MAP3K4: variants seen among roughly 807,000 people sequenced by gnomAD.
MAP3K4 encodes mitogen-activated protein kinase kinase kinase 4.
In MAP3K4, 67 loss-of-function variants were observed where a neutral mutation model predicts 185.6. That is an observed-to-expected ratio of 0.36 (90% CI 0.30 to 0.44). The LOEUF is 0.44. Ranked by LOEUF, MAP3K4 falls within the 20% of genes least tolerant of loss-of-function variation. The pLI, the probability that MAP3K4 is intolerant of heterozygous loss-of-function variation, is 1.00. For synonymous variants in MAP3K4, 702 were observed against 710.4 expected, an observed-to-expected ratio of 0.99 and a Z score of 0.19; for missense variants, 1,551 against 1,995.1, an observed-to-expected ratio of 0.78 and a Z score of 4.24.
chr6:161,021,404 G>A (rs73024054), intron 1 of MAP3K4, among the ~76,000 whole-genome samples: 2 of 152,286 alleles, frequency 1.3e-5, no homozygotes, highest in Non-Finnish European at 2.9e-5. Flanking sequence ...TCTCAGATGA[G>A]CCCTGCTCTC....
intron 15 of MAP3K4, among the ~76,000 whole-genome samples, chr6:161,095,972 T>C (rs1286233764): frequency 6.6e-6 from 1 of 152,210 alleles, no homozygotes; most frequent in Non-Finnish European, 1.5e-5. Flanking sequence ...TAGTTCCCAG[T>C]ATCTTTGCTC....
intron 3 of MAP3K4, among the ~76,000 whole-genome samples, chr6:161,057,618 C>T (rs966668365): frequency 2.6e-5 from 4 of 152,156 alleles, no homozygotes; most frequent in Non-Finnish European, 4.4e-5. Context: ...GTGTGCCTCA[C>T]GTGAAGCTAG....
At chr6:161,010,212 C>T (rs1243995680) in intron 1 of MAP3K4, among the ~76,000 whole-genome samples, 1 of 152,126 alleles carries the variant, frequency 6.6e-6, no homozygotes, top group Non-Finnish European at 1.5e-5. Flanking sequence ...CCCCGAAGTG[C>T]CTGGTACTAT....
chr6:161,053,209 C>T lies in MAP3K4; in HGVS notation c.1707+3230C>T, dbSNP rs187390118. Among the ~76,000 whole-genome samples, 35 of 152,206 alleles carry T rather than the reference C, an allele frequency of 2.3e-4. No individual in the cohort carries two copies. Among genetic ancestry groups the T allele is most frequent in the African/African-American group, 7.5e-4 (31 of 41,516 alleles). Reference sequence around the variant, plus strand: ...GCAGGCACTTCTCATGGCTGGAGCACGGGCAGGGTGAAGGTGCTCCATTCT... The same window carrying T: ...GCAGGCACTTCTCATGGCTGGAGCATGGGCAGGGTGAAGGTGCTCCATTCT... On this transcript the variant is annotated intron_variant, in intron 3 of 26. Transcript: ENST00000392142. The surrounding 1 kb of genome is among the most constrained non-coding windows in gnomAD (Gnocchi z 4.2).
chr6:161,003,929 C>A, intron 1 of MAP3K4, among the ~76,000 whole-genome samples: 1 of 68,148 alleles, frequency 1.5e-5, no homozygotes, highest in East Asian at 2.8e-4. Context: ...AATATCCACT[C>A]TTTCTTGAAA....
At position 161,064,493 on chromosome 6, in the gene MAP3K4, T is replaced by C. The variant is rs1784616745; in HGVS notation, c.1708-6115T>C. On this transcript the variant is annotated intron_variant, in intron 3 of 26. Transcript: ENST00000392142. The surrounding 1 kb of genome is among the most constrained non-coding windows in gnomAD (Gnocchi z 4.3). ...ATTAAATTCTAGATAATTGGGTATG[T>C]TTCTGTGTTCTGATCTGTTTATTAC... Among the ~76,000 whole-genome samples, 1 of 152,176 alleles carries C rather than the reference T, an allele frequency of 6.6e-6. No individual in the cohort carries two copies. Among genetic ancestry groups the C allele is most frequent in the Non-Finnish European group, 1.5e-5 (1 of 68,028 alleles).
intron 1 of MAP3K4, among the ~76,000 whole-genome samples, chr6:160,999,643 A>T (rs1397857703): frequency 3.9e-5 from 6 of 152,160 alleles, no homozygotes; most frequent in African/African-American, 1.4e-4. Flanking sequence ...TTCCCAGCTG[A>T]CAGCTTAGGC....
At position 161,100,146 on chromosome 6, in the gene MAP3K4, C is replaced by G. The variant is rs374880390; in HGVS notation, c.3674+1719C>G. 2.0e-5 allele frequency among the ~76,000 whole-genome samples: 3 copies of G among 152,208 alleles called. No individual in the cohort carries two copies. Among genetic ancestry groups the G allele is most frequent in the Non-Finnish European group, 4.4e-5 (3 of 68,028 alleles). ...GACTCCCTCCTGCATTCAAGCCCTG[C>G]GTAAGCCTCAGTGCCTTCACAGTGA... is the stretch of plus-strand genomic sequence containing the variant. On this transcript the variant is annotated intron_variant, in intron 17 of 26. Coordinates refer to ENST00000392142, the MANE Select transcript of MAP3K4 (RefSeq NM_005922.4). This position sits in a 1 kb window ranked among gnomAD's most constrained non-coding sequence, Gnocchi z 5.8.
chr6:161,010,980 T>C (rs975184543), intron 1 of MAP3K4, among the ~76,000 whole-genome samples: 2 of 152,230 alleles, frequency 1.3e-5, no homozygotes, highest in South Asian at 2.1e-4. Context: ...GTACCACCTC[T>C]GGTGCTTTTG....
rs766538277 is a variant in MAP3K4, at chr6:161,097,221, G to A, written c.3524+45G>A. Reference sequence around the variant, plus strand: ...TCATTTGCTTTACAGAGTGCCCTCCGATATGCATGCTCATACTTTTGAAAC... The same window carrying A: ...TCATTTGCTTTACAGAGTGCCCTCCAATATGCATGCTCATACTTTTGAAAC... On this transcript the variant is annotated intron_variant, in intron 16 of 26. Coordinates refer to ENST00000392142, the MANE Select transcript of MAP3K4 (RefSeq NM_005922.4). This position sits in a 1 kb window ranked among gnomAD's most constrained non-coding sequence, Gnocchi z 4.9. The A allele has an allele frequency of 6.7e-6, 10 of 1,499,188 alleles. No individual in the cohort carries two copies. The highest frequency in any genetic ancestry group is 4.5e-5 in the East Asian group (2 of 44,244). 92.9% of individuals were successfully genotyped at this position (1,499,188 alleles called of 1,614,324 possible). A position where few individuals can be genotyped will look rare whatever the true frequency, so the allele number is the denominator to read the frequency against.
intron 1 of MAP3K4, chr6:160,992,361 G>T (rs1780765134): frequency 2.1e-6 from 1 of 478,332 alleles, no homozygotes; most frequent in South Asian, 3.3e-5. Context: ...CACCCTCAAC[G>T]TTGCGGGGGC....
At chr6:161,113,456 T>G (rs1778438529) in intron 25 of MAP3K4, among the ~76,000 whole-genome samples, 1 of 151,912 alleles carries the variant, frequency 6.6e-6, no homozygotes, top group African/African-American at 2.4e-5. Context: ...TAGATACATG[T>G]TAGTATGTGT....
In MAP3K4 at chr6:161,097,144, A is replaced by G. The variant is rs1777608248; in HGVS notation, c.3492A>G (p.Pro1164=). The G allele has an allele frequency of 6.2e-7, 1 of 1,613,828 alleles. No homozygotes were observed. Among genetic ancestry groups the G allele is most frequent in the South Asian group, 1.1e-5 (1 of 91,074 alleles). ...GATGCCATAGTGACCCTCCTAACCC[A>G]CACCTCATTATCCCCACTCCAGAGG... ...VPRCHSDPPN[P]HLIIPTPEGF... The change falls in exon 16 of 27, where the codon CCA becomes CCG. Residue 1164 remains proline (P), a synonymous_variant. Transcript: ENST00000392142. This position sits in a 1 kb window ranked among gnomAD's most constrained non-coding sequence, Gnocchi z 4.9.
At chr6:161,083,922 G>C (rs1371941650) in intron 6 of MAP3K4, among the ~76,000 whole-genome samples, 6 of 152,104 alleles carry the variant, frequency 3.9e-5, no homozygotes, top group Non-Finnish European at 5.9e-5. Flanking sequence ...CCTGCTCTCT[G>C]TTACTAGATC....
In MAP3K4 at chr6:161,075,618, T is replaced by C. The variant is rs937157252; in HGVS notation, c.2097+2006T>C. Among the ~76,000 whole-genome samples the C allele has an allele frequency of 6.6e-6, 1 of 152,194 alleles. No homozygotes were observed. Among genetic ancestry groups the C allele is most frequent in the Non-Finnish European group, 1.5e-5 (1 of 68,026 alleles). On this transcript the variant is annotated intron_variant, in intron 5 of 26. Transcript: ENST00000392142. The surrounding 1 kb of genome is among the most constrained non-coding windows in gnomAD (Gnocchi z 4.3). ...AACTGTGTTTGCTGGCCCTTTATCC[T>C]GTAGTGGCAGGGGAGCAGGGTGAGG...
chr6:161,112,553 CATTACCT>C lies in MAP3K4; in HGVS notation c.4520-113_4520-107del, dbSNP rs1162347866. The C allele has an allele frequency of 9.9e-5, 64 of 645,646 alleles. No homozygotes were observed. The highest frequency in any genetic ancestry group is 1.5e-4 in the Non-Finnish European group (62 of 422,088). The allele number at this position is 645,646 out of a possible 1,614,324, so 40.0% of individuals were successfully genotyped here. A position where few individuals can be genotyped will look rare whatever the true frequency, so the allele number is the denominator to read the frequency against. The stretch of plus-strand genomic sequence containing the variant: ...CTGTCTGTAAATTTTTGATATTTCC[CATTACCT>C]AATGCAGGAAGATAATATTGTACAA... On this transcript the variant is annotated intron_variant, in intron 24 of 26. Transcript: ENST00000392142. The surrounding 1 kb of genome is among the most constrained non-coding windows in gnomAD (Gnocchi z 5.1).
At chr6:161,059,223 C>T (rs1784382313) in intron 3 of MAP3K4, among the ~76,000 whole-genome samples, 1 of 152,092 alleles carries the variant, frequency 6.6e-6, no homozygotes, top group Admixed American at 6.5e-5. Context: ...GCAGCCTCCA[C>T]CTCCCAAGTT....
chr6:161,001,850 T>C (rs1199254796), intron 1 of MAP3K4, among the ~76,000 whole-genome samples: 1 of 152,202 alleles, frequency 6.6e-6, no homozygotes, highest in African/African-American at 2.4e-5. Context: ...TAGTAAGTGC[T>C]CAGTATTAGC....
chr6:161,087,649 T>C lies in MAP3K4; in HGVS notation c.2557-39T>C. The C allele has an allele frequency of 6.2e-7, 1 of 1,606,124 alleles. No homozygotes were observed. The highest frequency in any genetic ancestry group is 8.5e-7 in the Non-Finnish European group (1 of 1,176,090). On this transcript the variant is annotated intron_variant, in intron 9 of 26. Coordinates refer to ENST00000392142, the MANE Select transcript of MAP3K4 (RefSeq NM_005922.4). This position sits in a 1 kb window ranked among gnomAD's most constrained non-coding sequence, Gnocchi z 4.9. ...TTTTAAATAACCTATTTCTCTAATGTACAGTGTTCCTTAAGATTTTGGATT... is the reference window on the plus strand; with the variant it reads ...TTTTAAATAACCTATTTCTCTAATGCACAGTGTTCCTTAAGATTTTGGATT...
Sources: allele counts gnomAD v4.1 joint callset (sites outside exome capture counted in the v4.1 genomes callset), GRCh38; gene constraint gnomAD v4.1.1; non-coding constraint Gnocchi (gnomAD v3.1); transcripts MANE v1.5; gene names NCBI Gene and HGNC (gene_info 2026-07-23, HGNC 2026-07-21).